The following THSD7B variants were observed in gnomAD, a reference collection of about 807,000 sequenced individuals.
THSD7B encodes thrombospondin type 1 domain containing 7B.
In THSD7B, 138 loss-of-function variants were observed where a neutral mutation model predicts 213.6. The observed-to-expected ratio is 0.65, with a 90% CI of 0.56 to 0.74. The LOEUF is 0.74. THSD7B is among the 30% of genes least tolerant of loss of function. The probability of loss-of-function intolerance (pLI) is 0.00; values close to 1 mark genes in which losing one functional copy is unlikely to be tolerated. For synonymous variants in THSD7B, 742 were observed against 687.0 expected, an observed-to-expected ratio of 1.08 and a Z score of -1.25; for missense variants, 1,931 against 1,991.5, an observed-to-expected ratio of 0.97 and a Z score of 0.58.
intron 12 of THSD7B, among the ~76,000 whole-genome samples, chr2:137,320,526 C>T (rs986594361): frequency 6.6e-6 from 1 of 152,112 alleles, no homozygotes; most frequent in Admixed American, 6.5e-5. Context: ...TTGAGTTAAT[C>T]TGTGTTGATT....
At chr2:137,144,539 C>A (rs751682883) in intron 5 of THSD7B, among the ~76,000 whole-genome samples, 6 of 151,908 alleles carry the variant, frequency 3.9e-5, no homozygotes, top group Non-Finnish European at 7.4e-5. Flanking sequence ...TATATGTGTT[C>A]TTATTTAAAT....
chr2:137,238,940 TTAATAA>T (rs199717090), intron 9 of THSD7B, among the ~76,000 whole-genome samples: 11 of 135,052 alleles, frequency 8.1e-5, no homozygotes, highest in East Asian at 5.8e-4. Flanking sequence ...TTAAAGATAG[TTAATAA>T]TAATAATGCC....
At position 137,242,515 on chromosome 2, in the gene THSD7B, G is replaced by A. The variant is rs1681935389; in HGVS notation, c.2209G>A (p.Asp737Asn). 3 of 1,613,904 alleles carry A rather than the reference G, an allele frequency of 1.9e-6. No homozygotes were observed. The highest frequency in any genetic ancestry group is 2.5e-6 in the Non-Finnish European group (3 of 1,179,826). ...VRPCFLPCKKDCIVTAFSEWT... is the reference protein window; with the variant it reads ...VRPCFLPCKKNCIVTAFSEWT... ...CCCCTGTTTTCTCCCATGCAAAAAA[G>A]ACTGTATTGTGACTGCTTTCAGTGA... The change falls in exon 10 of 28, where the codon GAC (aspartate) becomes AAC (asparagine). Residue 737 changes from aspartate to asparagine, a missense_variant. Coordinates refer to ENST00000409968, the MANE Select transcript of THSD7B (RefSeq NM_001316349.2).
intron 5 of THSD7B, among the ~76,000 whole-genome samples, chr2:137,157,576 A>G (rs915432283): frequency 5.3e-5 from 8 of 152,150 alleles, no homozygotes; most frequent in Non-Finnish European, 1.0e-4. Flanking sequence ...GAAGTGTCCT[A>G]TGCAGGGAAG....
At chr2:137,323,661 G>A (rs182583869) in intron 12 of THSD7B, among the ~76,000 whole-genome samples, 33 of 152,278 alleles carry the variant, frequency 2.2e-4, no homozygotes, top group African/African-American at 7.0e-4. Context: ...TAGCGACTAA[G>A]TGAGTGTTTA....
chr2:136,773,902 AAAG>A (rs1192994327), intron 1 of THSD7B, among the ~76,000 whole-genome samples: 1 of 151,980 alleles, frequency 6.6e-6, no homozygotes, highest in Non-Finnish European at 1.5e-5. Context: ...AAAAAAAAAA[AAAG>A]AAACCACTTC....
chr2:137,447,547 A>G (rs1171140338), intron 14 of THSD7B, among the ~76,000 whole-genome samples: 1 of 152,112 alleles, frequency 6.6e-6, no homozygotes, highest in Non-Finnish European at 1.5e-5. Context: ...TTTACTGTGT[A>G]TCTAATAGTG....
Position 137,272,661 on chromosome 2 carries a change from CG to C in THSD7B, c.2396+1del. 6.2e-7 allele frequency: 1 copy of C among 1,610,620 alleles called. No homozygotes were observed. The highest frequency in any genetic ancestry group is 8.5e-7 in the Non-Finnish European group (1 of 1,178,226). On this transcript the variant is annotated frameshift_variant and splice_region_variant, in exon 11 of 28. Transcript: ENST00000409968. LOFTEE classifies it high-confidence loss of function. The part of the protein sequence containing the change: ...CEDVSLCPVY[R>X]WKPQKWSPCI... ...AGATGTTTCCTTGTGTCCTGTATAT[CG>C]GCAAGTAGTTACCTTTTAAAATTAT... is the stretch of plus-strand genomic sequence containing the variant.
chr2:137,499,831 G>A (rs114873288), intron 15 of THSD7B, among the ~76,000 whole-genome samples: 284 of 152,150 alleles, frequency 1.9e-3, no homozygotes, highest in African/African-American at 6.7e-3. Flanking sequence ...ACACACCAGA[G>A]GACTATCAGG....
chr2:137,265,824 A>T (rs1682575559), intron 10 of THSD7B, among the ~76,000 whole-genome samples: 1 of 152,232 alleles, frequency 6.6e-6, no homozygotes. Flanking sequence ...ATGAGAGTGA[A>T]TGGAGGAGTT....
intron 12 of THSD7B, among the ~76,000 whole-genome samples, chr2:137,358,355 C>T (rs58404854): frequency 0.029 from 4,364 of 152,224 alleles, 219 homozygotes; most frequent in African/African-American, 0.1. Context: ...TCTCATGTAA[C>T]AGCATCCGTA....
chr2:137,510,602 T>A (rs1272385024), intron 15 of THSD7B, among the ~76,000 whole-genome samples: 1 of 152,182 alleles, frequency 6.6e-6, no homozygotes, highest in Admixed American at 6.5e-5. Flanking sequence ...TTTGTGTTAT[T>A]TTTCTTCCAC....
chr2:137,478,036 C>T (rs1688228259), intron 15 of THSD7B, among the ~76,000 whole-genome samples: 3 of 151,946 alleles, frequency 2.0e-5, no homozygotes, highest in Middle Eastern at 3.4e-3. Context: ...TTTTGTTTGA[C>T]GTTTGAGACT....
chr2:136,981,903 C>T (rs1685583371), intron 2 of THSD7B, among the ~76,000 whole-genome samples: 1 of 152,216 alleles, frequency 6.6e-6, no homozygotes, highest in Non-Finnish European at 1.5e-5. Context: ...TGTTGTCCAG[C>T]ACGTGTCCAG....
intron 27 of THSD7B, among the ~76,000 whole-genome samples, chr2:137,671,499 AACTT>A (rs3051458): frequency 0.97 from 147,525 of 151,950 alleles, 71,702 homozygotes; most frequent in East Asian, 1. Context: ...GGCCTCAGGA[AACTT>A]ACTTACTTAC....
chr2:137,562,401 G>A lies in THSD7B; in HGVS notation c.3139-820G>A, dbSNP rs1030708016. 9.2e-5 allele frequency among the ~76,000 whole-genome samples: 14 copies of A among 151,986 alleles called. 1 individual carries two copies. The highest frequency in any genetic ancestry group is 5.2e-4 in the Admixed American group (8 of 15,244). On this transcript the variant is annotated intron_variant, in intron 15 of 27. Transcript: ENST00000409968. ...AAAGGAGCAATGCAATTGAAATGCA[G>A]CCACAAAGAGGTAGACAAACTCAAT...
intron 10 of THSD7B, among the ~76,000 whole-genome samples, chr2:137,246,697 CT>C (rs1682047472): frequency 6.6e-6 from 1 of 151,994 alleles, no homozygotes; most frequent in African/African-American, 2.4e-5. Flanking sequence ...AAGCTTTGGC[CT>C]GTTGTGGCCT....
At chr2:137,543,730 G>A (rs933136125) in intron 15 of THSD7B, among the ~76,000 whole-genome samples, 4 of 151,662 alleles carry the variant, frequency 2.6e-5, no homozygotes, top group African/African-American at 9.7e-5. Context: ...TAAGGGTGTA[G>A]TATTGAGGAT....
chr2:137,115,429 T>C, intron 5 of THSD7B, 136 bp downstream of exon 5: 6 of 968,730 alleles, frequency 6.2e-6, no homozygotes, highest in Middle Eastern at 3.4e-4. Context: ...ACCATTTGTA[T>C]GCCGCCCCTA....
Sources: allele counts gnomAD v4.1 joint callset (sites outside exome capture counted in the v4.1 genomes callset), GRCh38; gene constraint gnomAD v4.1.1; transcripts MANE v1.5; gene names NCBI Gene and HGNC (gene_info 2026-07-23, HGNC 2026-07-21).